The following MGMT variants were observed in gnomAD, a reference collection of about 807,000 sequenced individuals.
The protein encoded by MGMT is methylated-DNA--protein-cysteine methyltransferase.
Under a neutral mutation model 15.9 loss-of-function variants are expected in MGMT, and 14 were observed. That is an observed-to-expected ratio of 0.88 (90% CI 0.58 to 1.37). MGMT has a LOEUF of 1.37. Among genes scored for constraint, MGMT ranks in the 40% most tolerant of loss-of-function variants. The pLI, the probability that MGMT is intolerant of heterozygous loss-of-function variation, is 0.00. For missense variants in MGMT, 282 were observed against 268.1 expected (o/e 1.05, Z -0.36); for synonymous variants, 130 against 118.2 (o/e 1.10, Z -0.65).
intron 1 of MGMT, among the ~76,000 whole-genome samples, chr10:129,501,102 T>C (rs1316578128): frequency 6.6e-6 from 1 of 152,180 alleles, no homozygotes; most frequent in Non-Finnish European, 1.5e-5. Flanking sequence ...ATCAAAATCC[T>C]TTGCACACAG....
intron 2 of MGMT, among the ~76,000 whole-genome samples, chr10:129,673,502 G>A (rs552850339): frequency 6.6e-5 from 10 of 152,202 alleles, no homozygotes; most frequent in African/African-American, 1.2e-4. Flanking sequence ...GCCACCTTGC[G>A]GTCGAGCCCA....
At chr10:129,666,326 A>T (rs959717980) in intron 2 of MGMT, among the ~76,000 whole-genome samples, 1 of 152,214 alleles carries the variant, frequency 6.6e-6, no homozygotes, top group Admixed American at 6.5e-5. Flanking sequence ...TGCATTCACT[A>T]TGTAGATTAA....
rs1188106094 is a variant in MGMT, at chr10:129,532,747, C to T, written c.-12-3494C>T. Among the ~76,000 whole-genome samples, 2 of 151,928 alleles carry T rather than the reference C, an allele frequency of 1.3e-5. No homozygotes were observed. Among genetic ancestry groups the T allele is most frequent in the East Asian group, 3.9e-4 (2 of 5,116 alleles). On this transcript the variant is annotated intron_variant, in intron 1 of 4. Transcript: ENST00000651593. This position sits in a 1 kb window ranked among gnomAD's most constrained non-coding sequence, Gnocchi z 5.3. ...GGTGTGTAGTGCCCAAAGCCCTGGC[C>T]GTGGCCATCTCAGGTTAGACCCTCA...
At chr10:129,658,290 A>C (rs1847555181) in intron 2 of MGMT, among the ~76,000 whole-genome samples, 1 of 152,158 alleles carries the variant, frequency 6.6e-6, no homozygotes, top group South Asian at 2.1e-4. Context: ...TTATTGACTA[A>C]TGACGAACAG....
intron 3 of MGMT, among the ~76,000 whole-genome samples, chr10:129,741,465 G>T (rs949558440): frequency 6.6e-6 from 1 of 152,204 alleles, no homozygotes; most frequent in Non-Finnish European, 1.5e-5. Flanking sequence ...AAAGGAGGCT[G>T]GGAGGTTCGC....
chr10:129,695,092 A>T (rs1848015067), intron 2 of MGMT, among the ~76,000 whole-genome samples: 2 of 152,216 alleles, frequency 1.3e-5, no homozygotes, highest in African/African-American at 4.8e-5. Flanking sequence ...TTTAAAATAC[A>T]ATTATATTAA....
Position 129,575,092 on chromosome 10 carries a change from T to G in MGMT, c.125+38715T>G, listed in dbSNP as rs1846464421. On this transcript the variant is annotated intron_variant, in intron 2 of 4. Coordinates refer to ENST00000651593, the MANE Select transcript of MGMT (RefSeq NM_002412.5). ...TCCCACACAACAATAATGGGAGACT[T>G]TAACACCCCACCGTTAACATTAGAC... Among the ~76,000 whole-genome samples, 2 of 152,016 alleles carry G rather than the reference T, an allele frequency of 1.3e-5. 1 individual carries two copies. The highest frequency in any genetic ancestry group is 4.1e-4 in the South Asian group (2 of 4,822).
Position 129,544,276 on chromosome 10 carries a change from G to A in MGMT, c.125+7899G>A, listed in dbSNP as rs188689228. On this transcript the variant is annotated intron_variant, in intron 2 of 4. Coordinates refer to ENST00000651593, the MANE Select transcript of MGMT (RefSeq NM_002412.5). The stretch of plus-strand genomic sequence containing the variant: ...TGCAGGCCAGGGGAGGAAAGATCCC[G>A]GAAGTGGCAGCCACCGGATAGGCAC... 5.5e-4 allele frequency among the ~76,000 whole-genome samples: 84 copies of A among 152,296 alleles called. 1 individual carries two copies. Among genetic ancestry groups the A allele is most frequent in the Middle Eastern group, 3.4e-3 (1 of 294 alleles).
intron 2 of MGMT, among the ~76,000 whole-genome samples, chr10:129,563,493 A>G (rs516972): frequency 4.6e-5 from 7 of 152,272 alleles, no homozygotes; most frequent in Non-Finnish European, 1.0e-4. Flanking sequence ...GTATTTAACA[A>G]TTCTTTACTG....
At chr10:129,693,440 A>C (rs1366459590) in intron 2 of MGMT, among the ~76,000 whole-genome samples, 1 of 152,140 alleles carries the variant, frequency 6.6e-6, no homozygotes, top group African/African-American at 2.4e-5. Context: ...CCCCGGTCTA[A>C]GCTAAGAAGG....
intron 1 of MGMT, among the ~76,000 whole-genome samples, chr10:129,523,046 G>T (rs1423456136): frequency 2.0e-5 from 3 of 152,254 alleles, no homozygotes; most frequent in African/African-American, 7.2e-5. Flanking sequence ...ACAGTTTTAA[G>T]AAGTGACATT....
At chr10:129,718,005 G>A (rs557370616) in intron 3 of MGMT, 10 of 152,298 alleles carry the variant, frequency 6.6e-5, no homozygotes, top group Non-Finnish European at 1.3e-4. Context: ...CCCCCAGGAT[G>A]TTTCTCTGTC....
chr10:129,553,242 A>T (rs562029104), intron 2 of MGMT, among the ~76,000 whole-genome samples: 8 of 152,234 alleles, frequency 5.3e-5, no homozygotes, highest in Non-Finnish European at 1.0e-4. Context: ...TAGAGGTAGA[A>T]TTATTAATAT....
chr10:129,530,641 A>G (rs548098668), intron 1 of MGMT, among the ~76,000 whole-genome samples: 1 of 152,244 alleles, frequency 6.6e-6, no homozygotes, highest in African/African-American at 2.4e-5. Flanking sequence ...CAGAGCTGCC[A>G]GAGGGAGCCT....
At chr10:129,554,455 C>A (rs995110427) in intron 2 of MGMT, among the ~76,000 whole-genome samples, 3 of 151,932 alleles carry the variant, frequency 2.0e-5, no homozygotes, top group Non-Finnish European at 4.4e-5. Context: ...GTGCTTGGTT[C>A]TTTGTTAAGG....
chr10:129,724,616 G>A (rs1194091470), intron 3 of MGMT, among the ~76,000 whole-genome samples: 1 of 151,964 alleles, frequency 6.6e-6, no homozygotes, highest in Admixed American at 6.6e-5. Flanking sequence ...GAAGGACTTG[G>A]AGAGAGTACA....
intron 2 of MGMT, among the ~76,000 whole-genome samples, chr10:129,625,230 C>G (rs965718001): frequency 5.3e-5 from 8 of 152,072 alleles, no homozygotes. Context: ...AAAAATCTTC[C>G]CTCAAAGAAA....
chr10:129,737,591 T>G (rs1848578952), intron 3 of MGMT, among the ~76,000 whole-genome samples: 1 of 152,240 alleles, frequency 6.6e-6, no homozygotes, highest in African/African-American at 2.4e-5. Flanking sequence ...GTTCCGTTGC[T>G]GGTGAGGAAC....
At chr10:129,675,148 G>A (rs1056225268) in intron 2 of MGMT, among the ~76,000 whole-genome samples, 1 of 152,344 alleles carries the variant, frequency 6.6e-6, no homozygotes, top group Non-Finnish European at 1.5e-5. Flanking sequence ...CAGCAGGACA[G>A]AGGACCCAGC....
Sources: gnomAD v4.1 joint callset for allele counts (sites outside exome capture counted in the v4.1 genomes callset) on GRCh38, gnomAD v4.1.1 for gene constraint, Gnocchi (gnomAD v3.1) non-coding constraint, MANE v1.5 for transcripts, NCBI Gene and HGNC (gene_info 2026-07-23, HGNC 2026-07-21) for gene names.